The following MYO18B variants were observed in gnomAD, a reference collection of about 807,000 sequenced individuals.
MYO18B encodes myosin XVIIIB.
A neutral mutation model predicts 273.0 loss-of-function variants in MYO18B; 204 were observed. That is an observed-to-expected ratio of 0.75 (90% CI 0.67 to 0.84). MYO18B has a LOEUF of 0.84. MYO18B is among the 40% of genes least tolerant of loss of function. MYO18B has a pLI of 0.00. For synonymous variants in MYO18B, 1,330 were observed against 1,305.7 expected, an observed-to-expected ratio of 1.02 and a Z score of -0.40; for missense variants, 3,212 against 3,287.6, an observed-to-expected ratio of 0.98 and a Z score of 0.56.
intron 12 of MYO18B, among the ~76,000 whole-genome samples, chr22:25,811,284 A>G (rs1186155830): frequency 6.6e-6 from 1 of 152,000 alleles, no homozygotes; most frequent in Non-Finnish European, 1.5e-5. Context: ...CGGTCTCCCA[A>G]AATGCTGGGA....
chr22:25,877,156 C>G (rs2091222168), intron 24 of MYO18B: 2 of 152,216 alleles, frequency 1.3e-5, no homozygotes, highest in Admixed American at 1.3e-4. Flanking sequence ...TGTTCAGCCC[C>G]TAGACTGGGC....
intron 36 of MYO18B, among the ~76,000 whole-genome samples, chr22:25,948,626 A>G (rs2092756516): frequency 6.8e-6 from 1 of 147,448 alleles, no homozygotes; most frequent in African/African-American, 2.5e-5. Flanking sequence ...TTTATTCAAT[A>G]TTTACTGAAT....
intron 1 of MYO18B, among the ~76,000 whole-genome samples, chr22:25,758,086 T>C (rs1200927849): frequency 2.0e-5 from 3 of 152,320 alleles, no homozygotes; most frequent in East Asian, 3.9e-4. Flanking sequence ...CCATCTTGGC[T>C]TACTGCAACC....
intron 39 of MYO18B, among the ~76,000 whole-genome samples, chr22:25,956,475 C>G (rs1161198678): frequency 3.3e-5 from 5 of 152,180 alleles, no homozygotes; most frequent in South Asian, 2.1e-4. Flanking sequence ...TTCGGCCACC[C>G]AAAGTGCTAG....
rs140977193 is a variant in MYO18B at position 25,791,987 on chromosome 22, C to T, written c.2377-5966C>T. ...GGCCTGACTTTAAATTTGGTACTTT[C>T]GTTCTTCCCACTGTCATCTCAGATC... On this transcript the variant is annotated intron_variant, in intron 11 of 43. Transcript: ENST00000335473. Among the ~76,000 whole-genome samples the T allele has an allele frequency of 1.5e-3, 232 of 152,288 alleles. 1 individual carries two copies. Among genetic ancestry groups the T allele is most frequent in the African/African-American group, 5.2e-3 (218 of 41,562 alleles).
In MYO18B at chr22:26,030,950, G is replaced by T; in HGVS notation, c.*520G>T. On this transcript the variant is annotated 3_prime_UTR_variant, in exon 44 of 44. Transcript: ENST00000335473. ...CTTTGCCAATTCATTTCTCTATCCT[G>T]TGTATGTATAAGTGTGTACAAGCAT... is the stretch of plus-strand genomic sequence containing the variant. 5.0e-6 allele frequency: 2 copies of T among 398,458 alleles called. No homozygotes were observed. Among genetic ancestry groups the T allele is most frequent in the Middle Eastern group, 6.3e-4 (1 of 1,588 alleles). The allele number at this position is 398,458 out of a possible 1,614,324, so 24.7% of individuals were successfully genotyped here. A position where few individuals can be genotyped will look rare whatever the true frequency, so the allele number is the denominator to read the frequency against.
chr22:25,962,006 A>T (rs1411312742), intron 39 of MYO18B, among the ~76,000 whole-genome samples: 1 of 152,182 alleles, frequency 6.6e-6, no homozygotes. Context: ...GAAGCAGCTA[A>T]GGCCCTCACT....
intron 5 of MYO18B, among the ~76,000 whole-genome samples, chr22:25,770,571 G>T (rs1453620073): frequency 1.3e-5 from 2 of 152,154 alleles, no homozygotes; most frequent in East Asian, 3.9e-4. Flanking sequence ...ACTGGAGGGG[G>T]AAATGGCAGT....
the MYO18B span, among the ~76,000 whole-genome samples, chr22:26,044,851 A>G: frequency 2.0e-5 from 3 of 152,222 alleles, no homozygotes; most frequent in Non-Finnish European, 2.9e-5. Flanking sequence ...TAAGGAGAAG[A>G]GGCCTCTAGG....
At position 25,855,429 on chromosome 22, in the gene MYO18B, GC is replaced by G. The variant is rs1464340188; in HGVS notation, c.3885+3853del. On this transcript the variant is annotated intron_variant, in intron 21 of 43. Coordinates refer to ENST00000335473, the MANE Select transcript of MYO18B (RefSeq NM_032608.7). ...CTCCTGAGTAGCTGGAACTTCAGGCGCCCGCCACCACGCCTGGCTAATTTTT... is the reference window on the plus strand; with the variant it reads ...CTCCTGAGTAGCTGGAACTTCAGGCGCCGCCACCACGCCTGGCTAATTTTT... 3.3e-5 allele frequency among the ~76,000 whole-genome samples: 5 copies of G among 151,950 alleles called. No individual in the cohort carries two copies. The South Asian group carries it at 6.3e-4, about 19-fold the overall frequency.
At chr22:25,950,787 G>A (rs765838498) in intron 37 of MYO18B, among the ~76,000 whole-genome samples, 12 of 152,038 alleles carry the variant, frequency 7.9e-5, no homozygotes, top group Non-Finnish European at 1.6e-4. Context: ...GGTTAGGCTG[G>A]TCTCTAACTC....
chr22:25,985,151 A>G (rs11912826), intron 39 of MYO18B, among the ~76,000 whole-genome samples: 4,529 of 152,272 alleles, frequency 0.03, 226 homozygotes, highest in African/African-American at 0.1. Context: ...ACTTGAGGTC[A>G]GGAGTTAGAG....
At chr22:25,775,909 A>C (rs1225663254) in intron 7 of MYO18B, among the ~76,000 whole-genome samples, 5 of 151,990 alleles carry the variant, frequency 3.3e-5, no homozygotes, top group Admixed American at 6.5e-5. Context: ...TCAGGCTTAC[A>C]TTATAGTCCA....
chr22:25,830,230 G>C (rs1396355395), intron 15 of MYO18B, among the ~76,000 whole-genome samples: 1 of 152,098 alleles, frequency 6.6e-6, no homozygotes. Flanking sequence ...CTTATTGGCT[G>C]TGTGGCCTTA....
intron 17 of MYO18B, among the ~76,000 whole-genome samples, chr22:25,840,585 G>A (rs2090054868): frequency 6.6e-6 from 1 of 152,288 alleles, no homozygotes; most frequent in South Asian, 2.1e-4. Context: ...GCCTGGCACA[G>A]CTGGCGGGAT....
At chr22:25,918,987 A>T (rs972831695) in intron 33 of MYO18B, among the ~76,000 whole-genome samples, 1 of 152,148 alleles carries the variant, frequency 6.6e-6, no homozygotes, top group Admixed American at 6.5e-5. Context: ...TTGCTCTTTC[A>T]TATCAGTTGT....
intron 12 of MYO18B, among the ~76,000 whole-genome samples, chr22:25,812,167 T>G (rs2088791732): frequency 6.6e-6 from 1 of 152,202 alleles, no homozygotes; most frequent in South Asian, 2.1e-4. Flanking sequence ...CTCTTTCCAC[T>G]TTAAGGATGC....
At chr22:26,013,032 AT>A (rs1935036171) in intron 42 of MYO18B, among the ~76,000 whole-genome samples, 1 of 152,172 alleles carries the variant, frequency 6.6e-6, no homozygotes, top group African/African-American at 2.4e-5. Flanking sequence ...TGTATATTAG[AT>A]ATGCCCCTTT....
At chr22:25,798,319 C>T (rs1194759972) in intron 12 of MYO18B, among the ~76,000 whole-genome samples, 2 of 152,232 alleles carry the variant, frequency 1.3e-5, no homozygotes, top group African/African-American at 4.8e-5. Flanking sequence ...CAAGAACTTT[C>T]TGCAATGATG....
Sources: gnomAD v4.1 joint callset for allele counts (sites outside exome capture counted in the v4.1 genomes callset) on GRCh38, gnomAD v4.1.1 for gene constraint, MANE v1.5 for transcripts, NCBI Gene and HGNC (gene_info 2026-07-23, HGNC 2026-07-21) for gene names.